The following MAP2K5 variants were observed in gnomAD, a reference collection of about 807,000 sequenced individuals.
MAP2K5 encodes the protein dual specificity mitogen-activated protein kinase kinase 5.
MAP2K5 carries 49 observed loss-of-function variants against 83.1 expected under a neutral mutation model. That is an observed-to-expected ratio of 0.59 (90% CI 0.47 to 0.75). The LOEUF (loss-of-function observed/expected upper bound fraction) is 0.75, where lower values mean the gene tolerates loss of function less well. MAP2K5 is among the 30% of genes least tolerant of loss of function. The pLI is 0.00. For synonymous variants in MAP2K5, 202 were observed against 191.8 expected (o/e 1.05, Z -0.44); for missense variants, 457 against 557.5 (o/e 0.82, Z 1.82).
At chr15:67,788,260 T>C (rs1366957320) in intron 21 of MAP2K5, among the ~76,000 whole-genome samples, 1 of 152,218 alleles carries the variant, frequency 6.6e-6, no homozygotes, top group African/African-American at 2.4e-5. Flanking sequence ...CTTTTTTTTA[T>C]ATGGAGATAA....
chr15:67,714,048 A>G (rs1596841112), intron 16 of MAP2K5, among the ~76,000 whole-genome samples: 1 of 152,276 alleles, frequency 6.6e-6, no homozygotes, highest in African/African-American at 2.4e-5. Context: ...TATTTATTGA[A>G]CACCTTTTAC....
intron 13 of MAP2K5, 63 bp from the exon 14 acceptor site, chr15:67,692,416 T>C: frequency 1.7e-6 from 2 of 1,188,192 alleles, no homozygotes; most frequent in South Asian, 2.5e-5. Flanking sequence ...ATGTGTGCTT[T>C]TAAAGAACAA....
chr15:67,649,693 A>G (rs377059057), intron 11 of MAP2K5, among the ~76,000 whole-genome samples: 3 of 152,144 alleles, frequency 2.0e-5, no homozygotes, highest in African/African-American at 4.8e-5. Flanking sequence ...CTAGTTGTCT[A>G]TCTTTGTACC....
intron 21 of MAP2K5, among the ~76,000 whole-genome samples, chr15:67,806,028 C>T (rs1021281484): frequency 2.0e-5 from 3 of 152,156 alleles, no homozygotes; most frequent in African/African-American, 7.2e-5. Context: ...GCAACAGGGC[C>T]GGCCCCTCCA....
intron 16 of MAP2K5, among the ~76,000 whole-genome samples, chr15:67,710,221 A>G (rs1023052466): frequency 2.0e-5 from 3 of 152,168 alleles, no homozygotes; most frequent in Non-Finnish European, 4.4e-5. Flanking sequence ...TTGGATCTTC[A>G]TTCTTTCTGC....
chr15:67,787,859 C>T (rs2090446070), intron 21 of MAP2K5, among the ~76,000 whole-genome samples: 1 of 152,190 alleles, frequency 6.6e-6, no homozygotes, highest in Non-Finnish European at 1.5e-5. Flanking sequence ...AAACTGTTTA[C>T]TAATCAACAT....
chr15:67,632,505 TCA>T (rs1336466219), intron 9 of MAP2K5, among the ~76,000 whole-genome samples: 1 of 152,222 alleles, frequency 6.6e-6, no homozygotes, highest in Non-Finnish European at 1.5e-5. Context: ...TTGTCAAAGA[TCA>T]CAGAGTTGGA....
At chr15:67,649,570 C>T (rs2086906368) in intron 11 of MAP2K5, among the ~76,000 whole-genome samples, 1 of 152,040 alleles carries the variant, frequency 6.6e-6, no homozygotes, top group South Asian at 2.1e-4. Flanking sequence ...TGTTCCAGTA[C>T]CGTTTGTTAA....
rs142234722 is a variant in MAP2K5 at position 67,567,655 on chromosome 15, C to T, written c.252+4305C>T. On this transcript the variant is annotated intron_variant, in intron 3 of 21. Coordinates refer to ENST00000178640, the MANE Select transcript of MAP2K5 (RefSeq NM_145160.3). ...CTGAGATTACAGGCGTGAGCCACCG[C>T]GCCCGGCCTAAAGTATTTTTTTAAT... Among the ~76,000 whole-genome samples, 1,246 of 152,276 alleles carry T rather than the reference C, an allele frequency of 8.2e-3. 8 individuals are homozygous for T. The highest frequency in any genetic ancestry group is 0.022 in the African/African-American group (904 of 41,534).
intron 13 of MAP2K5, among the ~76,000 whole-genome samples, chr15:67,672,056 C>G (rs2087553962): frequency 6.6e-6 from 1 of 151,972 alleles, no homozygotes; most frequent in Non-Finnish European, 1.5e-5. Context: ...TTAATCCAGT[C>G]TGTCATTGTT....
chr15:67,769,480 G>A lies in MAP2K5; in HGVS notation c.1135-122G>A. ...AAGGTAAAGACAGTCTTTTTAATTG[G>A]GTGAGGCCTTATTCTCATTGTATTC... On this transcript the variant is annotated intron_variant, in intron 19 of 21. Transcript: ENST00000178640. The surrounding 1 kb of genome is among the most constrained non-coding windows in gnomAD (Gnocchi z 5.2). 3.8e-6 allele frequency: 3 copies of A among 799,064 alleles called. No individual in the cohort carries two copies. Among genetic ancestry groups the A allele is most frequent in the Non-Finnish European group, 6.2e-6 (3 of 480,450 alleles). 49.5% of individuals were successfully genotyped at this position (799,064 alleles called of 1,614,324 possible).
chr15:67,766,824 G>T (rs1354945557), intron 19 of MAP2K5, among the ~76,000 whole-genome samples: 1 of 152,180 alleles, frequency 6.6e-6, no homozygotes, highest in Non-Finnish European at 1.5e-5. Flanking sequence ...TGTGGAGTTG[G>T]AGGCTCTCAG....
chr15:67,791,939 A>G (rs1255479774), intron 21 of MAP2K5, among the ~76,000 whole-genome samples: 1 of 152,206 alleles, frequency 6.6e-6, no homozygotes, highest in Non-Finnish European at 1.5e-5. Flanking sequence ...GCTGCAACAA[A>G]GACTTAAAAT....
At position 67,658,604 on chromosome 15, in the gene MAP2K5, T is replaced by C. The variant is rs1224911122; in HGVS notation, c.788T>C (p.Ile263Thr). ...RKMPEHVLGR[I>T]AVAVVKGLTY... ...ATGCCAGAACATGTCCTTGGAAGAA[T>C]TGCAGTAGCAGTAAGTATATGGCTT... Residue 263 changes from isoleucine (I) to threonine (T), a missense_variant, in exon 12 of 22, where the codon ATT becomes ACT. Around this residue, in one of 3 missense-constraint regions of MAP2K5, gnomAD observed 168 missense variants for 263.0 expected, o/e 0.64. Coordinates refer to ENST00000178640, the MANE Select transcript of MAP2K5 (RefSeq NM_145160.3). 4 of 1,611,594 alleles carry C rather than the reference T, an allele frequency of 2.5e-6. No individual in the cohort carries two copies. Among genetic ancestry groups the C allele is most frequent in the Non-Finnish European group, 3.4e-6 (4 of 1,178,284 alleles).
At chr15:67,641,113 T>A (rs2086701572) in intron 9 of MAP2K5, among the ~76,000 whole-genome samples, 1 of 152,242 alleles carries the variant, frequency 6.6e-6, no homozygotes, top group Non-Finnish European at 1.5e-5. Context: ...CTATAAAATC[T>A]TTCAAGTAGT....
At chr15:67,641,385 G>A in intron 9 of MAP2K5, 1 of 517,252 alleles carries the variant, frequency 1.9e-6, no homozygotes. Context: ...GATTAAATAA[G>A]TGAATTAAAA....
intron 17 of MAP2K5, among the ~76,000 whole-genome samples, chr15:67,740,690 G>T (rs2089471757): frequency 1.3e-5 from 2 of 151,846 alleles, no homozygotes; most frequent in Non-Finnish European, 2.9e-5. Context: ...TATACTTCTC[G>T]GTCTTCTCTC....
chr15:67,692,583 T>G (rs367905621), intron 14 of MAP2K5, 31 bp downstream of exon 14: 3 of 1,534,996 alleles, frequency 2.0e-6, no homozygotes, highest in Non-Finnish European at 2.7e-6. Flanking sequence ...GTGTACTGTT[T>G]TCTCTGCAAC....
In MAP2K5 at chr15:67,719,312, G is replaced by T. The variant is rs1393826595; in HGVS notation, c.1045-8604G>T. ...GAGTTTGTGTACCATGTTCATTAAG[G>T]TACTGTGGCATAGAAACAAGCAAAC... On this transcript the variant is annotated intron_variant, in intron 16 of 21. Coordinates refer to ENST00000178640, the MANE Select transcript of MAP2K5 (RefSeq NM_145160.3). This position sits in a 1 kb window ranked among gnomAD's most constrained non-coding sequence, Gnocchi z 4.6. 6.6e-6 allele frequency among the ~76,000 whole-genome samples: 1 copy of T among 152,088 alleles called. No homozygotes were observed. Among genetic ancestry groups the T allele is most frequent in the Non-Finnish European group, 1.5e-5 (1 of 68,032 alleles).
Sources: gnomAD v4.1 joint callset for allele counts (sites outside exome capture counted in the v4.1 genomes callset) on GRCh38, gnomAD v4.1.1 for gene constraint, gnomAD v4.1.1 regional missense constraint, Gnocchi (gnomAD v3.1) non-coding constraint, MANE v1.5 for transcripts, NCBI Gene and HGNC (gene_info 2026-07-23, HGNC 2026-07-21) for gene names.